The following SGK1 variants were observed in gnomAD, a reference collection of about 807,000 sequenced individuals.
SGK1 encodes the protein serum/glucocorticoid regulated kinase 1, also known as serine/threonine-protein kinase Sgk1.
A neutral mutation model predicts 64.2 loss-of-function variants in SGK1; 26 were observed. The ratio of observed to expected loss-of-function variants is 0.40; its 90% CI spans 0.30 to 0.56. SGK1 has a LOEUF of 0.56. SGK1 is among the 20% of genes least tolerant of loss of function. The pLI is 0.38. For synonymous variants in SGK1, 265 were observed against 239.7 expected (o/e 1.11, Z -0.98); for missense variants, 519 against 645.6 (o/e 0.80, Z 2.12).
rs534352643 is a variant in SGK1, at chr6:134,207,042, G to A, written c.361+314C>T. The stretch of plus-strand genomic sequence containing the variant: ...AGATCGAGACCATCCTGGCTGACAC[G>A]GTGAAACACCATCTCTACTAAAAAT... On this transcript the variant is annotated intron_variant, in intron 3 of 13. Transcript: ENST00000367858. Among the ~76,000 whole-genome samples the A allele has an allele frequency of 2.3e-3, 352 of 151,938 alleles. 3 individuals are homozygous for A. The highest frequency in any genetic ancestry group is 3.7e-3 in the Non-Finnish European group (254 of 67,956).
chr6:134,170,913 C>T lies in SGK1; in HGVS notation c.1326G>A (p.Met442Ile). 2 of 1,610,452 alleles carry T rather than the reference C, an allele frequency of 1.2e-6. No individual in the cohort carries two copies. Among genetic ancestry groups the T allele is most frequent in the Non-Finnish European group, 1.7e-6 (2 of 1,176,788 alleles). Residue 442 changes from methionine (M) to isoleucine (I), a missense_variant and splice_region_variant, in exon 13 of 14, where the codon ATG (methionine) becomes ATA (isoleucine). Transcript: ENST00000367858. ...TKRLGAKDDF[M>I]EIKSHVFFSL... Reference sequence around the variant, plus strand: ...AGAAGAAGACATGACTCTTAATCTCCATCTGTTGATAAGAAACCCAAGATT... The same window carrying T: ...AGAAGAAGACATGACTCTTAATCTCTATCTGTTGATAAGAAACCCAAGATT...
chr6:134,262,196 T>G (rs1193815582), intron 1 of SGK1, 48 bp from the exon 2 acceptor site: 2 of 1,360,586 alleles, frequency 1.5e-6, no homozygotes, highest in African/African-American at 2.9e-5. Flanking sequence ...TGACTCCCTT[T>G]GATGTTTATT....
At position 134,302,929 on chromosome 6, in the gene SGK1, G is replaced by C. The variant is rs536038637; in HGVS notation, c.69+14463C>G. ...GCTATCATGCCTGGCTAATTTTTAT[G>C]TTTTTAGTCGAGAAAGGGTTTCACC... On this transcript the variant is annotated intron_variant, in intron 1 of 13. Transcript: ENST00000367858. 1.7e-4 allele frequency among the ~76,000 whole-genome samples: 26 copies of C among 151,912 alleles called. No homozygotes were observed. The South Asian group carries it at 5.4e-3, about 32-fold the overall frequency.
At chr6:134,177,088 C>G (rs1326570455) in intron 3 of SGK1, among the ~76,000 whole-genome samples, 2 of 152,156 alleles carry the variant, frequency 1.3e-5, no homozygotes, top group Non-Finnish European at 2.9e-5. Context: ...GTGGCGTGCG[C>G]CTGTAGTCCC....
At chr6:134,279,438 A>G (rs1028270613) in intron 1 of SGK1, among the ~76,000 whole-genome samples, 1 of 151,754 alleles carries the variant, frequency 6.6e-6, no homozygotes, top group Non-Finnish European at 1.5e-5. Context: ...CTCAAAATAA[A>G]TAAATAAATA....
chr6:134,229,437 G>A (rs560544866), intron 2 of SGK1, among the ~76,000 whole-genome samples: 5 of 152,368 alleles, frequency 3.3e-5, no homozygotes, highest in Middle Eastern at 3.4e-3. Context: ...AGCTGCTAAA[G>A]TCATCTCATC....
chr6:134,315,376 C>T (rs375493513), intron 1 of SGK1, among the ~76,000 whole-genome samples: 1 of 152,130 alleles, frequency 6.6e-6, no homozygotes, highest in Non-Finnish European at 1.5e-5. Context: ...GATGAAGCTG[C>T]CTGCCAGTTA....
At chr6:134,306,921 G>C (rs536439117) in intron 1 of SGK1, among the ~76,000 whole-genome samples, 1 of 144,462 alleles carries the variant, frequency 6.9e-6, no homozygotes, top group Non-Finnish European at 1.5e-5. Context: ...AGGGGGGGGG[G>C]GCGGAATTTC....
chr6:134,232,421 A>G lies in SGK1; in HGVS notation c.286-24990T>C, dbSNP rs9402576. 7.5e-3 allele frequency among the ~76,000 whole-genome samples: 332 copies of G among 44,468 alleles called. 42 individuals carry two copies. Among genetic ancestry groups the G allele is most frequent in the Non-Finnish European group, 0.011 (235 of 21,138 alleles). 29.2% of individuals were successfully genotyped at this position (44,468 alleles called of 152,430 possible). ...GAAGAAAAAGAAAGAAAGAGAAAGA[A>G]AGAAAGAAAGAAAGAAAGAAAGAAA... is the stretch of plus-strand genomic sequence containing the variant. On this transcript the variant is annotated intron_variant, in intron 2 of 13. Coordinates refer to ENST00000367858, the MANE Select transcript of SGK1 (RefSeq NM_001143676.3).
At chr6:134,272,173 C>T (rs1464236753) in intron 1 of SGK1, among the ~76,000 whole-genome samples, 1 of 134,902 alleles carries the variant, frequency 7.4e-6, no homozygotes, top group Non-Finnish European at 1.6e-5. Context: ...CGGACTCTTG[C>T]TCTGTTGCCC....
chr6:134,242,176 C>T (rs1467889277), intron 2 of SGK1, among the ~76,000 whole-genome samples: 1 of 151,962 alleles, frequency 6.6e-6, no homozygotes, highest in African/African-American at 2.4e-5. Flanking sequence ...AGAAAGGGAG[C>T]AACTAGGAAT....
At chr6:134,264,273 C>A (rs896737878) in intron 1 of SGK1, among the ~76,000 whole-genome samples, 2 of 152,000 alleles carry the variant, frequency 1.3e-5, no homozygotes, top group Non-Finnish European at 2.9e-5. Flanking sequence ...GCACCTGCCA[C>A]CATGCCTGGC....
At chr6:134,235,293 C>G (rs1359088989) in intron 2 of SGK1, among the ~76,000 whole-genome samples, 1 of 152,118 alleles carries the variant, frequency 6.6e-6, no homozygotes, top group Admixed American at 6.6e-5. Context: ...GCTTTCACAT[C>G]GCTTCCAGGG....
intron 2 of SGK1, chr6:134,211,652 T>G (rs992647158): frequency 1.3e-5 from 2 of 151,896 alleles, no homozygotes; most frequent in Non-Finnish European, 2.9e-5. Flanking sequence ...AAAGAAACCA[T>G]GCTAGCTCTT....
chr6:134,194,787 T>C (rs1223855528), intron 3 of SGK1, among the ~76,000 whole-genome samples: 2 of 152,160 alleles, frequency 1.3e-5, no homozygotes, highest in African/African-American at 2.4e-5. Context: ...CCTCCCAAAG[T>C]GCTGGGATTA....
chr6:134,254,750 C>T (rs1457286805), intron 2 of SGK1, among the ~76,000 whole-genome samples: 1 of 152,094 alleles, frequency 6.6e-6, no homozygotes, highest in East Asian at 1.9e-4. Context: ...CACATATATA[C>T]AGACAAGAAG....
chr6:134,301,268 G>A (rs1407405042), intron 1 of SGK1, among the ~76,000 whole-genome samples: 1 of 152,052 alleles, frequency 6.6e-6, no homozygotes, highest in Admixed American at 6.6e-5. Context: ...GAGGGAGAGT[G>A]GATGGGAAAG....
At chr6:134,310,372 A>T (rs1421358135) in intron 1 of SGK1, among the ~76,000 whole-genome samples, 1 of 152,184 alleles carries the variant, frequency 6.6e-6, no homozygotes, top group Admixed American at 6.5e-5. Context: ...ATTCTGCAGT[A>T]CTGAGACTAA....
At chr6:134,301,349 T>C (rs143347315) in intron 1 of SGK1, among the ~76,000 whole-genome samples, 1,594 of 152,206 alleles carry the variant, frequency 0.01, 27 homozygotes, top group African/African-American at 0.036. Context: ...AGCCAAGGAC[T>C]GAGTTTGAGC....
Sources: gnomAD v4.1 joint callset for allele counts (sites outside exome capture counted in the v4.1 genomes callset) on GRCh38, gnomAD v4.1.1 for gene constraint, MANE v1.5 for transcripts, NCBI Gene and HGNC (gene_info 2026-07-23, HGNC 2026-07-21) for gene names.